The following KLC1 variants were observed in gnomAD, a reference collection of about 807,000 sequenced individuals.
KLC1 encodes kinesin light chain 1.
KLC1 carries 30 observed loss-of-function variants against 84.2 expected under a neutral mutation model. The ratio of observed to expected loss-of-function variants is 0.36; its 90% CI spans 0.27 to 0.48. The LOEUF (loss-of-function observed/expected upper bound fraction) is 0.48. KLC1 is among the 20% of genes least tolerant of loss of function. The pLI is 0.99. For synonymous variants in KLC1, 289 were observed against 293.3 expected (o/e 0.99, Z 0.15); for missense variants, 499 against 805.4 (o/e 0.62, Z 4.60).
rs558072100 is a variant in KLC1, at chr14:103,650,567, CG to C, written c.-1-3995del. On this transcript the variant is annotated intron_variant, in intron 1 of 16. Transcript: ENST00000334553. The stretch of plus-strand genomic sequence containing the variant: ...TAAATCAGTGTTACCTGTTACTTAG[CG>C]GTAGCCTGTATACTTTTTTTTTTTT... 4.4e-4 allele frequency among the ~76,000 whole-genome samples: 65 copies of C among 148,978 alleles called. No individual in the cohort carries two copies. In the South Asian group the frequency reaches 0.011, roughly 25 times the overall value.
At chr14:103,672,153 T>C (rs776438296) in intron 7 of KLC1, among the ~76,000 whole-genome samples, 1 of 152,096 alleles carries the variant, frequency 6.6e-6, no homozygotes, top group Non-Finnish European at 1.5e-5. Flanking sequence ...GGGGATGGTT[T>C]CTCAGGGAAG....
chr14:103,632,243 T>A (rs545345740), intron 1 of KLC1, among the ~76,000 whole-genome samples: 63 of 151,974 alleles, frequency 4.1e-4, no homozygotes, highest in Middle Eastern at 3.4e-3. Flanking sequence ...CTGGCCAACA[T>A]GGTGAAACCC....
chr14:103,700,633 C>T (rs372941257), intron 15 of KLC1, 22 bp from the exon 16 acceptor site: 2 of 1,598,942 alleles, frequency 1.3e-6, no homozygotes, highest in African/African-American at 1.4e-5. Context: ...CTGAGTGAAA[C>T]TCGTCTGTGC....
At chr14:103,638,239 A>G (rs1420676820) in intron 1 of KLC1, among the ~76,000 whole-genome samples, 1 of 152,020 alleles carries the variant, frequency 6.6e-6, no homozygotes, top group South Asian at 2.1e-4. Flanking sequence ...TTTTTCCTTA[A>G]TGTGCTACCC....
chr14:103,671,979 C>T (rs894267731), intron 7 of KLC1, among the ~76,000 whole-genome samples: 1 of 152,144 alleles, frequency 6.6e-6, no homozygotes, highest in Non-Finnish European at 1.5e-5. Flanking sequence ...TTTAGAGCCC[C>T]CTGCTTAGAG....
At chr14:103,700,548 C>T (rs1417464356) in intron 15 of KLC1, 107 bp from the exon 16 acceptor site, 1 of 907,290 alleles carries the variant, frequency 1.1e-6, no homozygotes, top group Non-Finnish European at 1.7e-6. Context: ...GGCTGTCCCT[C>T]AAGTCCAAGG....
chr14:103,644,547 C>T (rs1454987315), intron 1 of KLC1, among the ~76,000 whole-genome samples: 2 of 152,092 alleles, frequency 1.3e-5, no homozygotes, highest in African/African-American at 4.8e-5. Context: ...CGTGAGCCAC[C>T]GCGCCCGGCC....
In KLC1 at chr14:103,701,383, G is replaced by T; in HGVS notation, c.*184G>T. On this transcript the variant is annotated 3_prime_UTR_variant, in exon 17 of 17. Coordinates refer to ENST00000334553, the MANE Select transcript of KLC1 (RefSeq NM_001394837.1). ...CACGGCTGGCGTGACCTTGGGGCTGGGGCTGGGCCTAAGCTGGTGCCCTGG... is the reference window on the plus strand; with the variant it reads ...CACGGCTGGCGTGACCTTGGGGCTGTGGCTGGGCCTAAGCTGGTGCCCTGG... The T allele has an allele frequency of 1.6e-6, 1 of 611,876 alleles. No individual in the cohort carries two copies. The highest frequency in any genetic ancestry group is 2.7e-6 in the Non-Finnish European group (1 of 367,134). 37.9% of individuals were successfully genotyped at this position (611,876 alleles called of 1,614,324 possible).
intron 13 of KLC1, among the ~76,000 whole-genome samples, chr14:103,680,406 T>C (rs980417704): frequency 6.6e-6 from 1 of 152,190 alleles, no homozygotes; most frequent in African/African-American, 2.4e-5. Context: ...ACAGTTTGAT[T>C]AGTTATAATT....
chr14:103,700,580 C>CA, intron 15 of KLC1, 75 bp from the exon 16 acceptor site: 1 of 1,219,874 alleles, frequency 8.2e-7, no homozygotes, highest in Admixed American at 1.9e-5. Context: ...ACGCTGGTGT[C>CA]ACGCCCGGAG....
intron 5 of KLC1, 39 bp downstream of exon 5, chr14:103,662,966 GAC>G (rs1377730027): frequency 7.0e-7 from 1 of 1,421,288 alleles, no homozygotes; most frequent in South Asian, 1.3e-5. Flanking sequence ...TTTACCTAGA[GAC>G]AATGTTTTTA....
intron 2 of KLC1, 156 bp downstream of exon 2, chr14:103,654,981 C>T (rs1270435124): frequency 6.3e-6 from 5 of 790,232 alleles, no homozygotes; most frequent in Non-Finnish European, 9.6e-6. Flanking sequence ...AATCCAAGCA[C>T]TTTGGGAGGC....
chr14:103,695,811 G>C, intron 15 of KLC1: 1 of 985,418 alleles, frequency 1.0e-6, no homozygotes, highest in South Asian at 4.7e-5. Context: ...AGAGAAGCCA[G>C]GGGGCCTCCC....
intron 15 of KLC1, among the ~76,000 whole-genome samples, chr14:103,692,816 T>G (rs545277858): frequency 6.6e-6 from 1 of 152,378 alleles, no homozygotes; most frequent in African/African-American, 2.4e-5. Flanking sequence ...TAAGCTGTTG[T>G]TCAGTGTTCA....
intron 14 of KLC1, among the ~76,000 whole-genome samples, chr14:103,689,324 G>C (rs190550639): frequency 6.6e-6 from 1 of 152,156 alleles, no homozygotes; most frequent in African/African-American, 2.4e-5. Flanking sequence ...TGTCTTTGCC[G>C]TGATAAAAAT....
At chr14:103,679,233 C>T (rs2081165401) in intron 12 of KLC1, 151 bp from the exon 13 acceptor site, 6 of 996,272 alleles carry the variant, frequency 6.0e-6, no homozygotes, top group Non-Finnish European at 8.8e-6. Context: ...CCTCCACCCT[C>T]ACCCCCTCCA....
chr14:103,667,680 A>G (rs1261873356), intron 5 of KLC1, among the ~76,000 whole-genome samples: 1 of 152,220 alleles, frequency 6.6e-6, no homozygotes, highest in Non-Finnish European at 1.5e-5. Context: ...CTTTCACAAA[A>G]AGTTTGAGGC....
chr14:103,675,977 C>A (rs193049063), intron 11 of KLC1, among the ~76,000 whole-genome samples: 1 of 152,294 alleles, frequency 6.6e-6, no homozygotes, highest in African/African-American at 2.4e-5. Flanking sequence ...AAGGTAATTG[C>A]GATTTTGCCA....
At position 103,636,080 on chromosome 14, in the gene KLC1, G is replaced by A. The variant is rs149837677; in HGVS notation, c.-2+6586G>A. Among the ~76,000 whole-genome samples, 22 of 152,114 alleles carry A rather than the reference G, an allele frequency of 1.4e-4. No individual in the cohort carries two copies. In the East Asian group the frequency reaches 2.7e-3, roughly 19 times the overall value. On this transcript the variant is annotated intron_variant, in intron 1 of 16. Coordinates refer to ENST00000334553, the MANE Select transcript of KLC1 (RefSeq NM_001394837.1). Reference sequence around the variant, plus strand: ...CAGTAGTGTTAAGGATATGCACATCGTTGTTCCACATTTCTGGAACTCTTT... The same window carrying A: ...CAGTAGTGTTAAGGATATGCACATCATTGTTCCACATTTCTGGAACTCTTT...
Sources: allele counts gnomAD v4.1 joint callset (sites outside exome capture counted in the v4.1 genomes callset), GRCh38; gene constraint gnomAD v4.1.1; transcripts MANE v1.5; gene names NCBI Gene and HGNC (gene_info 2026-07-23, HGNC 2026-07-21).